SEMA6D: variants seen among roughly 807,000 people sequenced by gnomAD.
SEMA6D encodes semaphorin 6D.
Under a neutral mutation model 106.6 loss-of-function variants are expected in SEMA6D, and 35 were observed. The observed-to-expected ratio is 0.33, with a 90% CI of 0.25 to 0.44. The LOEUF (loss-of-function observed/expected upper bound fraction) is 0.44, where lower values mean the gene tolerates loss of function less well. SEMA6D is among the 20% of genes least tolerant of loss of function. The probability of loss-of-function intolerance (pLI) is 1.00; values close to 1 mark genes in which losing one functional copy is unlikely to be tolerated. For synonymous variants in SEMA6D, 499 were observed against 487.7 expected, an observed-to-expected ratio of 1.02 and a Z score of -0.31; for missense variants, 1,185 against 1,345.9, an observed-to-expected ratio of 0.88 and a Z score of 1.87.
At chr15:47,193,831 A>C (rs1048795676) in intron 1 of SEMA6D, among the ~76,000 whole-genome samples, 5 of 152,052 alleles carry the variant, frequency 3.3e-5, no homozygotes, top group Non-Finnish European at 7.4e-5. Flanking sequence ...TCTGCAGAAT[A>C]TCTCTTACTC....
intron 4 of SEMA6D, among the ~76,000 whole-genome samples, chr15:47,665,291 C>G (rs528927575): frequency 6.6e-6 from 1 of 152,234 alleles, no homozygotes; most frequent in Non-Finnish European, 1.5e-5. Context: ...TTTAATTGTT[C>G]TAAACTATTG....
intron 3 of SEMA6D, among the ~76,000 whole-genome samples, chr15:47,533,858 A>G (rs1412539657): frequency 6.6e-6 from 1 of 152,230 alleles, no homozygotes; most frequent in African/African-American, 2.4e-5. Flanking sequence ...CTCACGCTGA[A>G]TGTGCTATGG....
intron 3 of SEMA6D, among the ~76,000 whole-genome samples, chr15:47,512,899 A>G (rs1341489654): frequency 1.3e-5 from 2 of 152,188 alleles, no homozygotes; most frequent in South Asian, 2.1e-4. Context: ...GGATTAGTCT[A>G]TAGATGGGAG....
chr15:47,292,810 T>A (rs1282810784), intron 1 of SEMA6D, among the ~76,000 whole-genome samples: 16 of 152,184 alleles, frequency 1.1e-4, no homozygotes, highest in African/African-American at 3.9e-4. Flanking sequence ...AGAAAATATT[T>A]ATCATTTGTT....
chr15:47,280,264 A>G (rs2035050103), intron 1 of SEMA6D, among the ~76,000 whole-genome samples: 1 of 152,038 alleles, frequency 6.6e-6, no homozygotes. Context: ...GGGAGAGTGT[A>G]TGTGTAGAGG....
intron 4 of SEMA6D, among the ~76,000 whole-genome samples, chr15:47,704,551 T>C (rs1419894830): frequency 6.6e-6 from 1 of 152,012 alleles, no homozygotes; most frequent in African/African-American, 2.4e-5. Context: ...AAACCCCATC[T>C]CTACAAAAAA....
chr15:47,589,728 A>G (rs1241168797), intron 3 of SEMA6D, among the ~76,000 whole-genome samples: 1 of 152,184 alleles, frequency 6.6e-6, no homozygotes, highest in Non-Finnish European at 1.5e-5. Context: ...GAGAACAGCA[A>G]CTCATCCACT....
intron 1 of SEMA6D, among the ~76,000 whole-genome samples, chr15:47,736,723 A>T (rs2146887330): frequency 6.6e-6 from 1 of 152,278 alleles, no homozygotes; most frequent in African/African-American, 2.4e-5. Context: ...CATGTTTTAG[A>T]GTTGAGGAAG....
At chr15:47,230,152 T>C (rs2032088207) in intron 1 of SEMA6D, among the ~76,000 whole-genome samples, 2 of 152,216 alleles carry the variant, frequency 1.3e-5, no homozygotes, top group Admixed American at 6.6e-5. Context: ...TTAAGCAATC[T>C]GCAAAACTTT....
intron 1 of SEMA6D, among the ~76,000 whole-genome samples, chr15:47,294,147 T>C (rs1410987696): frequency 2.0e-5 from 3 of 151,894 alleles, no homozygotes; most frequent in Non-Finnish European, 4.4e-5. Flanking sequence ...TTAAGAACCT[T>C]ACAGTTCCGA....
intron 3 of SEMA6D, among the ~76,000 whole-genome samples, chr15:47,477,249 A>C (rs2043028908): frequency 6.6e-6 from 1 of 152,170 alleles, no homozygotes; most frequent in African/African-American, 2.4e-5. Context: ...TTATGTTATC[A>C]GTCCCGTCCT....
intron 1 of SEMA6D, among the ~76,000 whole-genome samples, chr15:47,273,284 C>T (rs1367442062): frequency 1.3e-5 from 2 of 150,668 alleles, no homozygotes; most frequent in African/African-American, 4.9e-5. Flanking sequence ...GTCTTTTGTA[C>T]TTACAGTGCC....
intron 1 of SEMA6D, among the ~76,000 whole-genome samples, chr15:47,257,067 T>TC (rs943824953): frequency 1.4e-4 from 21 of 151,014 alleles, no homozygotes; most frequent in Non-Finnish European, 2.5e-4. Flanking sequence ...ATTCTTTTTT[T>TC]TTTTTTTTGA....
intron 1 of SEMA6D, among the ~76,000 whole-genome samples, chr15:47,230,203 A>G (rs571033142): frequency 1.7e-3 from 266 of 152,168 alleles, no homozygotes; most frequent in South Asian, 5.4e-3. Context: ...GGATTTTTTG[A>G]TTAATCTGCT....
At chr15:47,461,999 A>G (rs576873351) in intron 2 of SEMA6D, among the ~76,000 whole-genome samples, 13 of 152,130 alleles carry the variant, frequency 8.5e-5, no homozygotes, top group African/African-American at 3.1e-4. Context: ...AATATTTCAT[A>G]AAGTTACTAT....
chr15:47,345,193 A>C (rs753000599), intron 1 of SEMA6D, among the ~76,000 whole-genome samples: 9 of 152,194 alleles, frequency 5.9e-5, no homozygotes, highest in Admixed American at 3.3e-4. Context: ...ATTTCAGTAG[A>C]CTTTTTTGTA....
intron 1 of SEMA6D, among the ~76,000 whole-genome samples, chr15:47,268,958 A>T (rs1024337079): frequency 6.6e-6 from 1 of 151,970 alleles, no homozygotes; most frequent in Non-Finnish European, 1.5e-5. Flanking sequence ...ATTAATCTAG[A>T]TGTTACATGG....
chr15:47,722,442 C>T (rs775370327), intron 1 of SEMA6D, among the ~76,000 whole-genome samples: 20 of 152,222 alleles, frequency 1.3e-4, no homozygotes, highest in Non-Finnish European at 2.2e-4. Context: ...GTACTAGTGC[C>T]GAAACTTTCT....
chr15:47,514,346 T>A (rs1298022633), intron 3 of SEMA6D, among the ~76,000 whole-genome samples: 1 of 152,190 alleles, frequency 6.6e-6, no homozygotes, highest in Non-Finnish European at 1.5e-5. Context: ...TTCAAATATC[T>A]TATGTCAACC....
Sources: gnomAD v4.1 joint callset for allele counts (sites outside exome capture counted in the v4.1 genomes callset) on GRCh38, gnomAD v4.1.1 for gene constraint, MANE v1.5 for transcripts, NCBI Gene and HGNC (gene_info 2026-07-23, HGNC 2026-07-21) for gene names.